PTPRN2: variants seen among roughly 807,000 people sequenced by gnomAD.
PTPRN2 encodes the protein protein tyrosine phosphatase receptor type N2.
A neutral mutation model predicts 118.8 loss-of-function variants in PTPRN2; 74 were observed. The ratio of observed to expected loss-of-function variants is 0.62; its 90% confidence interval spans 0.52 to 0.76. PTPRN2 has a LOEUF of 0.76. Ranked by LOEUF, PTPRN2 falls within the 30% of genes least tolerant of loss-of-function variation. The pLI, the probability that PTPRN2 is intolerant of heterozygous loss-of-function variation, is 0.00. For missense variants in PTPRN2, 1,481 were observed against 1,394.4 expected, an observed-to-expected ratio of 1.06 and a Z score of -0.99; for synonymous variants, 641 against 608.0, an observed-to-expected ratio of 1.05 and a Z score of -0.80.
At chr7:158,382,684 G>A (rs1811054810) in intron 2 of PTPRN2, among the ~76,000 whole-genome samples, 1 of 152,134 alleles carries the variant, frequency 6.6e-6, no homozygotes, top group South Asian at 2.1e-4. Context: ...ACTGCGCACA[G>A]GAGGGACAGA....
chr7:158,489,955 G>A (rs1821322792), intron 1 of PTPRN2, among the ~76,000 whole-genome samples, 170 bp from the exon 2 acceptor site: 1 of 152,202 alleles, frequency 6.6e-6, no homozygotes, highest in Non-Finnish European at 1.5e-5. Flanking sequence ...AGAACGCTGC[G>A]CCCCTGACCC....
intron 10 of PTPRN2, among the ~76,000 whole-genome samples, chr7:158,092,143 G>T (rs1487102135): frequency 6.6e-6 from 1 of 151,358 alleles, no homozygotes; most frequent in Non-Finnish European, 1.5e-5. Context: ...TGGGTACATG[G>T]ATGAGTAGAT....
At chr7:158,006,352 G>C (rs11535110) in intron 11 of PTPRN2, among the ~76,000 whole-genome samples, 125,540 of 152,206 alleles carry the variant, frequency 0.82, 51,951 homozygotes, top group East Asian at 0.88. Context: ...CTCCTCCATG[G>C]TGGTACAGTT....
chr7:158,399,049 G>A (rs1291249148), intron 2 of PTPRN2, among the ~76,000 whole-genome samples: 1 of 152,010 alleles, frequency 6.6e-6, no homozygotes, highest in Non-Finnish European at 1.5e-5. Flanking sequence ...TCCTTTCACA[G>A]TGTCTTCTTG....
At chr7:158,259,970 C>T (rs1286537219) in intron 3 of PTPRN2, among the ~76,000 whole-genome samples, 1 of 150,144 alleles carries the variant, frequency 6.7e-6, no homozygotes, top group Non-Finnish European at 1.5e-5. Flanking sequence ...GTCCACGCGT[C>T]CCTTTGTGTA....
chr7:158,306,860 T>G (rs1010975132), intron 3 of PTPRN2, among the ~76,000 whole-genome samples: 54 of 139,102 alleles, frequency 3.9e-4, no homozygotes, highest in African/African-American at 6.3e-4. Context: ...TTTTTGTTTT[T>G]TTTTTTTTTT....
intron 11 of PTPRN2, among the ~76,000 whole-genome samples, chr7:158,071,697 GTGGTGGAGGTGCTCC>G (rs1442359551): frequency 8.6e-6 from 1 of 116,094 alleles, no homozygotes; most frequent in South Asian, 3.0e-4. Flanking sequence ...GGAGGTGCTT[GTGGTGGAGGTGCTCC>G]TGGTGGTGGA....
rs535411569 is a variant in PTPRN2 at position 157,990,177 on chromosome 7, C to G, written c.1723+91121G>C. On this transcript the variant is annotated intron_variant, in intron 11 of 22. Transcript: ENST00000389418. The surrounding 1 kb of genome is among the most constrained non-coding windows in gnomAD (Gnocchi z 4.3). The stretch of plus-strand genomic sequence containing the variant: ...CTGGGGACACGAGTTAATGTGAGTG[C>G]GAGCCCAGGGCAGAGCGGGCCCAGA... Among the ~76,000 whole-genome samples, 1 of 151,796 alleles carries G rather than the reference C, an allele frequency of 6.6e-6. No individual in the cohort carries two copies. Among genetic ancestry groups the G allele is most frequent in the Non-Finnish European group, 1.5e-5 (1 of 67,982 alleles).
chr7:158,320,412 C>T (rs1283663294), intron 2 of PTPRN2, among the ~76,000 whole-genome samples: 1 of 150,776 alleles, frequency 6.6e-6, no homozygotes, highest in Non-Finnish European at 1.5e-5. Context: ...CGATGGCACC[C>T]CCATCGCCCA....
chr7:157,968,495 G>A (rs1585107111), intron 11 of PTPRN2, among the ~76,000 whole-genome samples: 2 of 152,328 alleles, frequency 1.3e-5, no homozygotes, highest in East Asian at 3.9e-4. Flanking sequence ...GGGTCTCGGG[G>A]TTGTGTGAAT....
chr7:158,397,986 A>G (rs1409298137), intron 2 of PTPRN2, among the ~76,000 whole-genome samples: 1 of 152,176 alleles, frequency 6.6e-6, no homozygotes, highest in African/African-American at 2.4e-5. Flanking sequence ...GGGTGGAACC[A>G]AAGCAGGGAA....
chr7:157,839,425 G>C (rs1808209778), intron 12 of PTPRN2, among the ~76,000 whole-genome samples: 1 of 151,584 alleles, frequency 6.6e-6, no homozygotes. Context: ...TTGTGAGAGA[G>C]ACTGTGTGTG....
intron 1 of PTPRN2, among the ~76,000 whole-genome samples, chr7:158,577,201 G>A (rs1828379952): frequency 1.7e-5 from 2 of 118,054 alleles, no homozygotes; most frequent in Admixed American, 8.1e-5. Context: ...GCCACAGACA[G>A]CATGGGGCCT....
At chr7:158,268,534 A>G (rs2004588) in intron 3 of PTPRN2, among the ~76,000 whole-genome samples, 41,872 of 115,524 alleles carry the variant, frequency 0.36, 7,541 homozygotes, top group African/African-American at 0.53. Context: ...TATCCCAGCC[A>G]CACGCACACA....
chr7:157,730,473 C>T (rs998103831), intron 12 of PTPRN2, among the ~76,000 whole-genome samples: 6 of 152,238 alleles, frequency 3.9e-5, no homozygotes, highest in Non-Finnish European at 8.8e-5. Context: ...AGGTCGCACG[C>T]CTGGCCGAGG....
intron 2 of PTPRN2, among the ~76,000 whole-genome samples, chr7:158,478,306 C>A (rs939090003): frequency 6.6e-6 from 1 of 152,204 alleles, no homozygotes; most frequent in Middle Eastern, 3.2e-3. Flanking sequence ...AAAGCAGCGC[C>A]GTACAGACAC....
intron 16 of PTPRN2, among the ~76,000 whole-genome samples, chr7:157,597,681 C>A (rs1488298177): frequency 6.6e-6 from 1 of 152,120 alleles, no homozygotes; most frequent in African/African-American, 2.4e-5. Flanking sequence ...GTCCACACAC[C>A]CATCACCTGC....
intron 11 of PTPRN2, among the ~76,000 whole-genome samples, chr7:157,931,049 CCTT>C (rs1335045154): frequency 6.6e-5 from 10 of 152,286 alleles, no homozygotes; most frequent in Middle Eastern, 3.4e-3. Flanking sequence ...GTCAAGAACT[CCTT>C]CTGCCGCTGC....
chr7:158,536,776 G>A (rs1825673928), intron 1 of PTPRN2, among the ~76,000 whole-genome samples: 1 of 151,278 alleles, frequency 6.6e-6, no homozygotes, highest in Non-Finnish European at 1.5e-5. Flanking sequence ...CGAGACTCAG[G>A]AAGACACAAT....
Sources: gnomAD v4.1 joint callset for allele counts (sites outside exome capture counted in the v4.1 genomes callset) on GRCh38, gnomAD v4.1.1 for gene constraint, Gnocchi (gnomAD v3.1) non-coding constraint, MANE v1.5 for transcripts, NCBI Gene and HGNC (gene_info 2026-07-23, HGNC 2026-07-21) for gene names.